ELMO1: variants seen among roughly 807,000 people sequenced by gnomAD.
The protein encoded by ELMO1 is engulfment and cell motility 1.
Under a neutral mutation model 98.9 loss-of-function variants are expected in ELMO1, and 26 were observed. That is an observed-to-expected ratio of 0.26 (90% CI 0.19 to 0.36). The LOEUF (loss-of-function observed/expected upper bound fraction) is 0.36, where lower values mean the gene tolerates loss of function less well. ELMO1 is among the 10% of genes least tolerant of loss of function. ELMO1 has a pLI of 1.00. For missense variants in ELMO1, 627 were observed against 935.2 expected (o/e 0.67, Z 4.30); for synonymous variants, 346 against 346.0 (o/e 1.00, Z 0.00).
chr7:37,396,038 T>C (rs1442043688), intron 1 of ELMO1, among the ~76,000 whole-genome samples: 1 of 152,182 alleles, frequency 6.6e-6, no homozygotes. Flanking sequence ...ACTTCATCAT[T>C]GCACTCCTTG....
At chr7:37,366,043 T>C (rs1801890749) in intron 1 of ELMO1, among the ~76,000 whole-genome samples, 1 of 152,196 alleles carries the variant, frequency 6.6e-6, no homozygotes, top group African/African-American at 2.4e-5. Flanking sequence ...CCAAGTTTAT[T>C]AAAATGACCT....
chr7:36,885,031 A>T (rs536316234), intron 18 of ELMO1, among the ~76,000 whole-genome samples: 62 of 152,260 alleles, frequency 4.1e-4, no homozygotes, highest in Non-Finnish European at 7.2e-4. Context: ...TGTAAATCTA[A>T]ATGGAATGTT....
intron 13 of ELMO1, among the ~76,000 whole-genome samples, chr7:37,201,868 T>G (rs1275385568): frequency 6.6e-6 from 1 of 152,160 alleles, no homozygotes; most frequent in Non-Finnish European, 1.5e-5. Flanking sequence ...GCATTTCAGA[T>G]AGGAAAAGAG....
At chr7:37,072,372 G>A (rs146957686) in intron 15 of ELMO1, among the ~76,000 whole-genome samples, 43 of 152,280 alleles carry the variant, frequency 2.8e-4, no homozygotes, top group African/African-American at 1.0e-3. Flanking sequence ...AAAAATGGGA[G>A]TTCCCTGCAC....
rs374626896 is a variant in ELMO1 at position 37,259,342 on chromosome 7, G to A, written c.252C>T (p.Asn84=). Residue 84 remains asparagine, a synonymous_variant, in exon 6 of 22, where the codon AAC becomes AAT. Transcript: ENST00000310758. ...ILRLTTSPAQ[N]AQQLHERIQS... ...GGATTCGTTCATGGAGCTGCTGGGCGTTCTGAGCCTTATGGGGCAAAAGCA... is the reference window on the plus strand; with the variant it reads ...GGATTCGTTCATGGAGCTGCTGGGCATTCTGAGCCTTATGGGGCAAAAGCA... The A allele has an allele frequency of 4.2e-5, 67 of 1,613,572 alleles. No homozygotes were observed. The highest frequency in any genetic ancestry group is 6.6e-5 in the South Asian group (6 of 91,048).
intron 16 of ELMO1, among the ~76,000 whole-genome samples, chr7:36,980,039 C>T (rs895779662): frequency 2.0e-5 from 3 of 152,206 alleles, no homozygotes; most frequent in African/African-American, 4.8e-5. Context: ...CTTGACAGGT[C>T]TCTCATCACT....
intron 7 of ELMO1, among the ~76,000 whole-genome samples, chr7:37,240,570 AT>A (rs201888348): frequency 2.3e-4 from 34 of 150,810 alleles, no homozygotes; most frequent in African/African-American, 5.6e-4. Flanking sequence ...AACTTAGACC[AT>A]TTTTTTTTAA....
At chr7:37,128,769 A>G (rs1786699505) in intron 14 of ELMO1, among the ~76,000 whole-genome samples, 1 of 152,194 alleles carries the variant, frequency 6.6e-6, no homozygotes, top group Admixed American at 6.5e-5. Context: ...CTCTTTACTC[A>G]TGTGAATTAC....
intron 13 of ELMO1, among the ~76,000 whole-genome samples, chr7:37,200,244 ATT>A (rs373030810): frequency 7.3e-6 from 1 of 137,554 alleles, no homozygotes; most frequent in Admixed American, 7.4e-5. Context: ...AAGCTAATTA[ATT>A]TTTTTTTTTT....
At chr7:37,193,597 G>A (rs762465050) in intron 13 of ELMO1, among the ~76,000 whole-genome samples, 5 of 152,024 alleles carry the variant, frequency 3.3e-5, no homozygotes, top group Non-Finnish European at 7.4e-5. Flanking sequence ...GCAGCCTTCC[G>A]CAGCACACTC....
intron 16 of ELMO1, among the ~76,000 whole-genome samples, chr7:37,003,379 G>C (rs1792822599): frequency 6.6e-6 from 1 of 152,106 alleles, no homozygotes; most frequent in Admixed American, 6.5e-5. Flanking sequence ...GAAAAGAAAA[G>C]AAAAGAGAAA....
chr7:37,212,588 T>C (rs1344149643), intron 12 of ELMO1, among the ~76,000 whole-genome samples: 1 of 152,206 alleles, frequency 6.6e-6, no homozygotes, highest in African/African-American at 2.4e-5. Context: ...CTCTCCATCA[T>C]TCTTAACCGT....
chr7:37,354,182 T>G (rs1405135552), intron 1 of ELMO1, among the ~76,000 whole-genome samples: 1 of 152,244 alleles, frequency 6.6e-6, no homozygotes, highest in Non-Finnish European at 1.5e-5. Flanking sequence ...CTCATCTCTG[T>G]TGTTCCAGAC....
intron 16 of ELMO1, among the ~76,000 whole-genome samples, chr7:36,970,016 T>G (rs1421925765): frequency 9.9e-5 from 15 of 152,080 alleles, no homozygotes; most frequent in Non-Finnish European, 1.5e-5. Context: ...ATAGTAAAAA[T>G]ATGTACTAAA....
intron 15 of ELMO1, among the ~76,000 whole-genome samples, chr7:37,077,850 A>C (rs1007751948): frequency 2.0e-5 from 3 of 152,158 alleles, no homozygotes; most frequent in Admixed American, 1.3e-4. Context: ...GTTAGGGAGA[A>C]ATGATCCAGA....
intron 16 of ELMO1, among the ~76,000 whole-genome samples, chr7:36,900,250 G>T (rs142438399): frequency 6.6e-6 from 1 of 152,280 alleles, no homozygotes; most frequent in Admixed American, 6.5e-5. Context: ...AGCAAGTCTT[G>T]TCATATCACC....
rs543793174 is a variant in ELMO1, at chr7:36,999,099, G to C, written c.1437+14200C>G. On this transcript the variant is annotated intron_variant, in intron 16 of 21. Transcript: ENST00000310758. Reference sequence around the variant, plus strand: ...AAAGCACAGAAGGAGGCCATCCCCGGGGCCACAGCATTGTCTAGGAGGGAG... The same window carrying C: ...AAAGCACAGAAGGAGGCCATCCCCGCGGCCACAGCATTGTCTAGGAGGGAG... 9.9e-5 allele frequency among the ~76,000 whole-genome samples: 15 copies of C among 152,158 alleles called. No homozygotes were observed. The South Asian group carries it at 1.2e-3, about 13-fold the overall frequency.
At chr7:36,891,509 G>A (rs550944562) in intron 17 of ELMO1, among the ~76,000 whole-genome samples, 8 of 152,296 alleles carry the variant, frequency 5.3e-5, no homozygotes, top group Non-Finnish European at 1.0e-4. Flanking sequence ...TAAGACAAGG[G>A]AGAGGCATAT....
intron 16 of ELMO1, among the ~76,000 whole-genome samples, chr7:36,968,126 T>C (rs1789605738): frequency 1.3e-5 from 2 of 152,214 alleles, no homozygotes; most frequent in South Asian, 4.1e-4. Context: ...TCCAGAATTA[T>C]TTTTAAGTTT....
Sources: gnomAD v4.1 joint callset for allele counts (sites outside exome capture counted in the v4.1 genomes callset) on GRCh38, gnomAD v4.1.1 for gene constraint, MANE v1.5 for transcripts, NCBI Gene and HGNC (gene_info 2026-07-23, HGNC 2026-07-21) for gene names.